SHH: variants seen among roughly 807,000 people sequenced by gnomAD.
SHH encodes sonic hedgehog protein.
A neutral mutation model predicts 16.6 loss-of-function variants in SHH; 3 were observed. That is an observed-to-expected ratio of 0.18 (90% confidence interval 0.08 to 0.47). The LOEUF is 0.47. Ranked by LOEUF, SHH falls within the 20% of genes least tolerant of loss-of-function variation. SHH has a pLI of 0.98. For missense variants in SHH, 499 were observed against 665.0 expected, an observed-to-expected ratio of 0.75 and a Z score of 2.75; for synonymous variants, 351 against 316.2, an observed-to-expected ratio of 1.11 and a Z score of -1.17.
chr7:155,806,573 G>C lies in SHH; in HGVS notation c.301-16C>G, dbSNP rs182416757. On this transcript the variant is annotated splice_polypyrimidine_tract_variant and intron_variant, in intron 1 of 2. Transcript: ENST00000297261. ...CCTTACACCTCTGCGAAGACAAGGG[G>C]ACCCCCACCGACGGACACGTTAGCC... 31 of 1,610,088 alleles carry C rather than the reference G, an allele frequency of 1.9e-5. No homozygotes were observed. In the African/African-American group the frequency reaches 3.3e-4, roughly 17 times the overall value.
chr7:155,805,008 C>T (rs1803312180), intron 2 of SHH, among the ~76,000 whole-genome samples: 1 of 152,208 alleles, frequency 6.6e-6, no homozygotes, highest in Non-Finnish European at 1.5e-5. Flanking sequence ...CGTCGAGTCG[C>T]ACGGCCCGGC....
intron 1 of SHH, among the ~76,000 whole-genome samples, chr7:155,810,336 C>T (rs1803493610): frequency 6.6e-6 from 1 of 152,242 alleles, no homozygotes; most frequent in Non-Finnish European, 1.5e-5. Flanking sequence ...CCGCTCTCTC[C>T]GCAGTGCCTC....
chr7:155,802,681 C>T lies in SHH; in HGVS notation c.*219G>A, dbSNP rs1803213988. 1 of 392,746 alleles carries T rather than the reference C, an allele frequency of 2.5e-6. No individual in the cohort carries two copies. The highest frequency in any genetic ancestry group is 4.5e-6 in the Non-Finnish European group (1 of 223,530). 24.3% of individuals were successfully genotyped at this position (392,746 alleles called of 1,614,324 possible). On this transcript the variant is annotated 3_prime_UTR_variant, in exon 3 of 3. Transcript: ENST00000297261. The stretch of plus-strand genomic sequence containing the variant: ...AAAATAACCAAAATAAAACAATAAC[C>T]AAAAAAATTCAAAAAATATATATCA...
In SHH at chr7:155,802,890, C is replaced by CCCCCCCCCCCCCCA; in HGVS notation, c.*9_*10insTGGGGGGGGGGGGG. Reference sequence around the variant, plus strand: ...GCCCCCTCCCGCGCCCCTCCCCCGGCCCCCCGGCTTCAGCTGGACTTGACC... The same window carrying CCCCCCCCCCCCCCA: ...GCCCCCTCCCGCGCCCCTCCCCCGGCCCCCCCCCCCCCCACCCCCGGCTTCAGCTGGACTTGACC... On this transcript the variant is annotated 3_prime_UTR_variant, in exon 3 of 3. Coordinates refer to ENST00000297261, the MANE Select transcript of SHH (RefSeq NM_000193.4). 1 of 1,331,652 alleles carries CCCCCCCCCCCCCCA rather than the reference C, an allele frequency of 7.5e-7. No homozygotes were observed. The highest frequency in any genetic ancestry group is 9.7e-7 in the Non-Finnish European group (1 of 1,026,102). 82.5% of individuals were successfully genotyped at this position (1,331,652 alleles called of 1,614,324 possible). A position where few individuals can be genotyped will look rare whatever the true frequency, so the allele number is the denominator to read the frequency against.
rs1347345641 is a variant in SHH, at chr7:155,812,017, G to C, written c.106C>G (p.Pro36Ala). 1.2e-6 allele frequency: 2 copies of C among 1,614,124 alleles called. No individual in the cohort carries two copies. The highest frequency in any genetic ancestry group is 4.5e-5 in the East Asian group (2 of 44,870). Residue 36 changes from proline (P) to alanine (A), a missense_variant, in exon 1 of 3, where the codon CCC becomes GCC. By Grantham distance (27) the Pro-to-Ala change is conservative. This residue lies in a region of SHH where 75 missense variants were observed against 115.0 expected (regional missense o/e 0.65). Transcript: ENST00000297261. Reference protein sequence around the residue: ...PGRGFGKRRHPKKLTPLAYKQ... With the variant: ...PGRGFGKRRHAKKLTPLAYKQ... Reference sequence around the variant, plus strand: ...TAGGCTAAAGGGGTCAGCTTTTTGGGGTGCCTCCTCTTCCCGAACCCCCTG... The same window carrying C: ...TAGGCTAAAGGGGTCAGCTTTTTGGCGTGCCTCCTCTTCCCGAACCCCCTG...
rs1207422717 is a variant in SHH, at chr7:155,803,133, G to T, written c.1156C>A (p.Leu386Ile). 7.1e-7 allele frequency: 1 copy of T among 1,407,762 alleles called. No individual in the cohort carries two copies. Among genetic ancestry groups the T allele is most frequent in the Admixed American group, 2.8e-5 (1 of 36,236 alleles). The allele number at this position is 1,407,762 out of a possible 1,614,324, so 87.2% of individuals were successfully genotyped here. ...CGCGCGGGCGCCAGTGCAGCCAGGA[G>T]CGCGTGCGCCAGGCGGAAGGGCGCG... is the stretch of plus-strand genomic sequence containing the variant. ...AFAPFRLAHALLAALAPARTD... is the reference protein window; with the variant it reads ...AFAPFRLAHAILAALAPARTD... The change falls in exon 3 of 3, where the codon CTC becomes ATC. Residue 386 changes from leucine (L) to isoleucine (I), a missense_variant. Physicochemically the swap from Leu to Ile is conservative, Grantham distance 5. Around this residue, in one of 4 missense-constraint regions of SHH, gnomAD observed 299 missense variants for 301.1 expected, o/e 0.99. Coordinates refer to ENST00000297261, the MANE Select transcript of SHH (RefSeq NM_000193.4).
Position 155,803,469 on chromosome 7 carries a change from C to T in SHH, c.820G>A (p.Val274Met). ...LLLTAAHLLF[V>M]APHNDSATGE... ...GTGGCCGAGTCGTTGTGCGGCGCCACAAAGAGCAGGTGCGCGGCGGTGAGC... is the reference window on the plus strand; with the variant it reads ...GTGGCCGAGTCGTTGTGCGGCGCCATAAAGAGCAGGTGCGCGGCGGTGAGC... Residue 274 changes from valine to methionine, a missense_variant, in exon 3 of 3, where the codon GTG becomes ATG. By Grantham distance (21) the Val-to-Met change is conservative. This residue lies in a region of SHH where 299 missense variants were observed against 301.1 expected (regional missense o/e 0.99). Transcript: ENST00000297261. 1 of 1,557,928 alleles carries T rather than the reference C, an allele frequency of 6.4e-7. No individual in the cohort carries two copies. Among genetic ancestry groups the T allele is most frequent in the Non-Finnish European group, 8.6e-7 (1 of 1,156,294 alleles).
At chr7:155,803,759 C>G (rs766431485) in intron 2 of SHH, 33 bp from the exon 3 acceptor site, 100 of 1,561,004 alleles carry the variant, frequency 6.4e-5, no homozygotes, top group Non-Finnish European at 8.2e-5. Context: ...GAAGAGAGGA[C>G]AGGGCATTGA....
At chr7:155,805,881 T>C (rs1461213141) in intron 2 of SHH, among the ~76,000 whole-genome samples, 1 of 152,216 alleles carries the variant, frequency 6.6e-6, no homozygotes, top group Non-Finnish European at 1.5e-5. Flanking sequence ...TAGACACCCC[T>C]GCGCTTGGGA....
chr7:155,807,580 G>A lies in SHH; in HGVS notation c.301-1023C>T, dbSNP rs1803400007. Among the ~76,000 whole-genome samples the A allele has an allele frequency of 6.6e-6, 1 of 152,220 alleles. No homozygotes were observed. The highest frequency in any genetic ancestry group is 1.5e-5 in the Non-Finnish European group (1 of 68,032). ...GGCAGATGCAGACGGGGTTACCTGG[G>A]ATTCAGATTGTGGGGGTTCCCCTGG... On this transcript the variant is annotated intron_variant, in intron 1 of 2. Coordinates refer to ENST00000297261, the MANE Select transcript of SHH (RefSeq NM_000193.4). This position sits in a 1 kb window ranked among gnomAD's most constrained non-coding sequence, Gnocchi z 7.1.
rs1440402113 is a variant in SHH at position 155,803,425 on chromosome 7, G to A, written c.864C>T (p.Ser288=). 1.1e-5 allele frequency: 17 copies of A among 1,531,120 alleles called. No homozygotes were observed. In the East Asian group the frequency reaches 3.5e-4, roughly 31 times the overall value. 94.8% of individuals were successfully genotyped at this position (1,531,120 alleles called of 1,614,324 possible). A position where few individuals can be genotyped will look rare whatever the true frequency, so the allele number is the denominator to read the frequency against. The change falls in exon 3 of 3, where the codon TCC becomes TCT. Residue 288 remains serine, a synonymous_variant. Coordinates refer to ENST00000297261, the MANE Select transcript of SHH (RefSeq NM_000193.4). ...CCCCGGAAGGCGGCCCCGAGCCCGA[G>A]GACGCCTCGGGCTCCCCGGTGGCCG... The part of the protein sequence containing the change: ...NDSATGEPEA[S]SGSGPPSGGA...
rs1273917602 is a variant in SHH, at chr7:155,812,253, C to G, written c.-131G>C. 3 of 870,690 alleles carry G rather than the reference C, an allele frequency of 3.4e-6. No homozygotes were observed. In the African/African-American group the frequency reaches 5.0e-5, roughly 14 times the overall value. The allele number at this position is 870,690 out of a possible 1,614,324, so 53.9% of individuals were successfully genotyped here. ...TCGCTCCGGCTCGCCCGCTCGCTCT[C>G]TCCCTCGCTGGCTGCCTCGCTCTTT... is the stretch of plus-strand genomic sequence containing the variant. On this transcript the variant is annotated 5_prime_UTR_variant, in exon 1 of 3. Coordinates refer to ENST00000297261, the MANE Select transcript of SHH (RefSeq NM_000193.4).
At position 155,812,294 on chromosome 7, in the gene SHH, C is replaced by G. The variant is rs1405700003; in HGVS notation, c.-172G>C. ...CTCGCTCTTTCTCTTCCTATATAAC[C>G]TTGCCCGCCGCGGCTGCGGGGGACT... On this transcript the variant is annotated 5_prime_UTR_variant, in exon 1 of 3. Transcript: ENST00000297261. The G allele has an allele frequency of 3.0e-6, 2 of 672,574 alleles. No individual in the cohort carries two copies. The highest frequency in any genetic ancestry group is 2.6e-6 in the Non-Finnish European group (1 of 379,872). The allele number at this position is 672,574 out of a possible 1,614,324, so 41.7% of individuals were successfully genotyped here.
At chr7:155,810,250 G>T (rs1293798453) in intron 1 of SHH, among the ~76,000 whole-genome samples, 1 of 152,148 alleles carries the variant, frequency 6.6e-6, no homozygotes, top group Non-Finnish European at 1.5e-5. Context: ...GACCCCTTCT[G>T]CGGTATTGGC....
rs545137618 is a variant in SHH at position 155,802,664 on chromosome 7, C to G, written c.*236G>C. 2.9e-5 allele frequency: 11 copies of G among 382,288 alleles called. No individual in the cohort carries two copies. In the East Asian group the frequency reaches 3.8e-4, roughly 13 times the overall value. The allele number at this position is 382,288 out of a possible 1,614,324, so 23.7% of individuals were successfully genotyped here. On this transcript the variant is annotated 3_prime_UTR_variant, in exon 3 of 3. Coordinates refer to ENST00000297261, the MANE Select transcript of SHH (RefSeq NM_000193.4). ...AGCCAGGAGAGGAGGAAAAAATAAC[C>G]AAAATAAAACAATAACCAAAAAAAT...
In SHH at chr7:155,811,807, G is replaced by T. The variant is rs1243963217; in HGVS notation, c.300+16C>A. On this transcript the variant is annotated intron_variant, in intron 1 of 2. Coordinates refer to ENST00000297261, the MANE Select transcript of SHH (RefSeq NM_000193.4). ...TGGAAAGCCACACATTCCACGCCCCGGCGCTGGGTTCCTACCTGAGTCATC... is the reference window on the plus strand; with the variant it reads ...TGGAAAGCCACACATTCCACGCCCCTGCGCTGGGTTCCTACCTGAGTCATC... 6.2e-7 allele frequency: 1 copy of T among 1,613,810 alleles called. No individual in the cohort carries two copies. The highest frequency in any genetic ancestry group is 1.1e-5 in the South Asian group (1 of 91,074).
chr7:155,808,308 G>C (rs756913189), intron 1 of SHH, among the ~76,000 whole-genome samples: 3 of 152,234 alleles, frequency 2.0e-5, no homozygotes, highest in Admixed American at 6.5e-5. Flanking sequence ...CCACCAACAC[G>C]CACAGGGACC....
At position 155,802,378 on chromosome 7, in the gene SHH, C is replaced by T. The variant is rs1421646286; in HGVS notation, c.*522G>A. On this transcript the variant is annotated 3_prime_UTR_variant, in exon 3 of 3. Coordinates refer to ENST00000297261, the MANE Select transcript of SHH (RefSeq NM_000193.4). ...ATATAATTTGTGGACCCCCATGAAG[C>T]ACGTTTGAGTTTGCACTTGCTGAGA... The T allele has an allele frequency of 6.6e-6, 1 of 152,146 alleles. No homozygotes were observed. Among genetic ancestry groups the T allele is most frequent in the African/African-American group, 2.4e-5 (1 of 41,374 alleles). 9.4% of individuals were successfully genotyped at this position (152,146 alleles called of 1,614,324 possible).
chr7:155,804,470 G>C (rs1052695775), intron 2 of SHH, among the ~76,000 whole-genome samples: 8 of 152,248 alleles, frequency 5.3e-5, no homozygotes, highest in Admixed American at 4.6e-4. Flanking sequence ...TCTTGGAAGG[G>C]GACACTTCCA....
Sources: gnomAD v4.1 joint callset for allele counts (sites outside exome capture counted in the v4.1 genomes callset) on GRCh38, gnomAD v4.1.1 for gene constraint, gnomAD v4.1.1 regional missense constraint, Gnocchi (gnomAD v3.1) non-coding constraint, MANE v1.5 for transcripts, NCBI Gene and HGNC (gene_info 2026-07-23, HGNC 2026-07-21) for gene names.